Variants in DLC1 observed in about 807,000 individuals in gnomAD.
DLC1 encodes rho GTPase-activating protein 7.
DLC1 carries 54 observed loss-of-function variants against 140.3 expected under a neutral mutation model. That is an observed-to-expected ratio of 0.38 (90% confidence interval 0.31 to 0.48). DLC1 has a LOEUF of 0.48. DLC1 is among the 20% of genes least tolerant of loss of function. DLC1 has a pLI of 0.96. For missense variants in DLC1, 2,536 were observed against 1,907.0 expected, an observed-to-expected ratio of 1.33 and a Z score of -6.14; for synonymous variants, 986 against 728.1, an observed-to-expected ratio of 1.35 and a Z score of -5.70.
intron 14 of DLC1, among the ~76,000 whole-genome samples, chr8:13,090,751 C>T (rs78588747): frequency 0.012 from 1,843 of 151,642 alleles, 23 homozygotes; most frequent in East Asian, 0.046. Context: ...TTCTCAGATA[C>T]GGAAGTGGAT....
intron 1 of DLC1, among the ~76,000 whole-genome samples, chr8:13,572,486 C>T (rs1804696690): frequency 6.6e-6 from 1 of 152,086 alleles, no homozygotes; most frequent in African/African-American, 2.4e-5. Context: ...TTTTAATTTT[C>T]ATAAAGTTCA....
chr8:13,524,836 G>A (rs1390572678), intron 1 of DLC1, among the ~76,000 whole-genome samples: 1 of 151,814 alleles, frequency 6.6e-6, no homozygotes, highest in Non-Finnish European at 1.5e-5. Context: ...GGTTTATTGA[G>A]AGTTAACTGA....
At chr8:13,557,062 A>T (rs1452199642) in intron 1 of DLC1, among the ~76,000 whole-genome samples, 1 of 152,196 alleles carries the variant, frequency 6.6e-6, no homozygotes, top group Non-Finnish European at 1.5e-5. Flanking sequence ...GTGAGCGAGG[A>T]TAACTGAGTA....
At chr8:13,572,064 T>C (rs1364929046) in intron 1 of DLC1, among the ~76,000 whole-genome samples, 2 of 150,726 alleles carry the variant, frequency 1.3e-5, no homozygotes, top group Non-Finnish European at 2.9e-5. Flanking sequence ...GTCTATTTTA[T>C]TGAGTTTCAG....
intron 3 of DLC1, among the ~76,000 whole-genome samples, chr8:13,399,433 A>C (rs1160730521): frequency 6.6e-6 from 1 of 152,168 alleles, no homozygotes; most frequent in East Asian, 1.9e-4. Context: ...TAAATTACTC[A>C]TCCTCTCTCT....
intron 5 of DLC1, among the ~76,000 whole-genome samples, chr8:13,254,520 A>T (rs1334320892): frequency 6.6e-6 from 1 of 152,230 alleles, no homozygotes; most frequent in Non-Finnish European, 1.5e-5. Context: ...AATTGATGCC[A>T]TCTAGATCTT....
intron 5 of DLC1, among the ~76,000 whole-genome samples, chr8:13,159,342 G>A (rs545867920): frequency 1.9e-3 from 283 of 152,292 alleles, no homozygotes; most frequent in Middle Eastern, 0.01. Context: ...TTAGGCAGTG[G>A]TGCCAGCCAC....
chr8:13,142,523 G>T (rs1263385562), intron 5 of DLC1, among the ~76,000 whole-genome samples: 2 of 152,104 alleles, frequency 1.3e-5, no homozygotes. Context: ...TAAAAATCTA[G>T]CTATATAGTG....
intron 1 of DLC1, among the ~76,000 whole-genome samples, chr8:13,592,221 T>G (rs563767511): frequency 7.2e-5 from 11 of 152,116 alleles, no homozygotes; most frequent in Non-Finnish European, 1.3e-4. Context: ...CTTCTAGAAA[T>G]TTTCGATTCA....
intron 5 of DLC1, among the ~76,000 whole-genome samples, chr8:13,257,439 G>GAAAAA (rs34452124): frequency 9.6e-6 from 1 of 104,466 alleles, no homozygotes; most frequent in Non-Finnish European, 1.9e-5. Context: ...CCTGTCTCAG[G>GAAAAA]AAAAAAAAAA....
intron 5 of DLC1, among the ~76,000 whole-genome samples, chr8:13,188,513 T>G (rs1826522223): frequency 6.7e-6 from 1 of 149,352 alleles, no homozygotes; most frequent in Non-Finnish European, 1.5e-5. Context: ...TTCTATAGTA[T>G]TGGAGATGTT....
rs1485023946 is a variant in DLC1, at chr8:13,309,476, A to G, written c.1315-4174T>C. 2.6e-5 allele frequency among the ~76,000 whole-genome samples: 4 copies of G among 152,208 alleles called. No individual in the cohort carries two copies. The South Asian group carries it at 8.3e-4, about 32-fold the overall frequency. ...CCAATTAAGGTGTTTTATTAATACA[A>G]TCGAATTTTTAAAAAGCTATTTAAG... On this transcript the variant is annotated intron_variant, in intron 4 of 17. Transcript: ENST00000276297.
rs534501093 is a variant in DLC1 at position 13,207,740 on chromosome 8, G to T, written c.1349-92083C>A. 1.3e-4 allele frequency among the ~76,000 whole-genome samples: 20 copies of T among 152,240 alleles called. No individual in the cohort carries two copies. The East Asian group carries it at 2.5e-3, about 19-fold the overall frequency. On this transcript the variant is annotated intron_variant, in intron 5 of 17. Transcript: ENST00000276297. ...TGGAGAGGTTTTGGCTGTCACACCT[G>T]GGGGAGGTACTGCCGACATACAGTT...
At chr8:13,297,258 A>T (rs1038934531) in intron 5 of DLC1, among the ~76,000 whole-genome samples, 1 of 128,976 alleles carries the variant, frequency 7.8e-6, no homozygotes, top group Non-Finnish European at 1.6e-5. Flanking sequence ...ATAAAGAAGC[A>T]GGCAAGCAGA....
intron 4 of DLC1, 49 bp from the exon 5 acceptor site, chr8:13,305,351 G>A (rs1167787177): frequency 1.3e-6 from 2 of 1,523,282 alleles, no homozygotes; most frequent in Non-Finnish European, 8.8e-7. Flanking sequence ...AGAAACATCA[G>A]AAAGCATCAT....
intron 2 of DLC1, among the ~76,000 whole-genome samples, chr8:13,494,078 A>G (rs946717233): frequency 3.9e-5 from 6 of 152,220 alleles, no homozygotes; most frequent in African/African-American, 1.4e-4. Flanking sequence ...ACATCACTTA[A>G]TATATCAAAT....
At chr8:13,581,077 A>G (rs1354602909) in intron 1 of DLC1, among the ~76,000 whole-genome samples, 1 of 152,252 alleles carries the variant, frequency 6.6e-6, no homozygotes, top group African/African-American at 2.4e-5. Flanking sequence ...AAATGGAGTC[A>G]GACTCTATTA....
intron 5 of DLC1, among the ~76,000 whole-genome samples, chr8:13,201,584 A>T (rs1026036913): frequency 6.6e-6 from 1 of 152,080 alleles, no homozygotes; most frequent in Non-Finnish European, 1.5e-5. Flanking sequence ...CACAGTCACC[A>T]TTCAAGTTAT....
At chr8:13,467,657 A>C (rs10087164) in intron 2 of DLC1, among the ~76,000 whole-genome samples, 2 of 152,010 alleles carry the variant, frequency 1.3e-5, no homozygotes, top group Admixed American at 6.6e-5. Context: ...CTTGAGCCCA[A>C]GAGGTTGAGG....
Sources: allele counts gnomAD v4.1 joint callset (sites outside exome capture counted in the v4.1 genomes callset), GRCh38; gene constraint gnomAD v4.1.1; transcripts MANE v1.5; gene names NCBI Gene and HGNC (gene_info 2026-07-23, HGNC 2026-07-21).